The following ZCCHC24 variants were observed in gnomAD, a reference collection of about 807,000 sequenced individuals.
ZCCHC24 encodes zinc finger CCHC-type containing 24.
A neutral mutation model predicts 26.2 loss-of-function variants in ZCCHC24; 10 were observed. That is an observed-to-expected ratio of 0.38 (90% confidence interval 0.24 to 0.65). The LOEUF (loss-of-function observed/expected upper bound fraction) is 0.65, where lower values mean the gene tolerates loss of function less well. Ranked by LOEUF, ZCCHC24 falls within the 30% of genes least tolerant of loss-of-function variation. The probability of loss-of-function intolerance (pLI) is 0.54; values close to 1 mark genes in which losing one functional copy is unlikely to be tolerated. For synonymous variants in ZCCHC24, 144 were observed against 147.1 expected (o/e 0.98, Z 0.15); for missense variants, 243 against 329.1 (o/e 0.74, Z 2.03).
intron 2 of ZCCHC24, among the ~76,000 whole-genome samples, chr10:79,407,532 G>C (rs1051655919): frequency 1.3e-5 from 2 of 152,222 alleles, no homozygotes; most frequent in African/African-American, 4.8e-5. Flanking sequence ...GTCTGGGGAG[G>C]GCCTGAGAAC....
chr10:79,415,577 T>C (rs541122061), intron 2 of ZCCHC24, among the ~76,000 whole-genome samples: 2 of 152,318 alleles, frequency 1.3e-5, no homozygotes, highest in African/African-American at 4.8e-5. Context: ...ATGCCCTTTG[T>C]TCAGAAGAAA....
intron 2 of ZCCHC24, among the ~76,000 whole-genome samples, chr10:79,421,708 C>A (rs1856939935): frequency 6.6e-6 from 1 of 152,090 alleles, no homozygotes; most frequent in Non-Finnish European, 1.5e-5. Context: ...CTCACTGCAA[C>A]CTCCACATCC....
chr10:79,443,116 T>C (rs1324263977), intron 1 of ZCCHC24, among the ~76,000 whole-genome samples: 1 of 152,158 alleles, frequency 6.6e-6, no homozygotes, highest in Non-Finnish European at 1.5e-5. Context: ...AGAGACGGGG[T>C]TCCCTGAAGT....
intron 1 of ZCCHC24, among the ~76,000 whole-genome samples, chr10:79,438,871 G>A (rs1589681002): frequency 6.6e-6 from 1 of 152,192 alleles, no homozygotes; most frequent in Non-Finnish European, 1.5e-5. Flanking sequence ...AGGTGCTCAC[G>A]TTTCACAGCT....
In ZCCHC24 at chr10:79,445,586, G is replaced by A; in HGVS notation, c.-146C>T. 1 of 650,932 alleles carries A rather than the reference G, an allele frequency of 1.5e-6. No individual in the cohort carries two copies. The highest frequency in any genetic ancestry group is 1.9e-6 in the Non-Finnish European group (1 of 517,024). 40.3% of individuals were successfully genotyped at this position (650,932 alleles called of 1,614,324 possible). ...CCCCGCGCCCTGCGCCCCGCGCGCT[G>A]CCCGCAGCCGCTGCCGCTGCCGCCG... On this transcript the variant is annotated 5_prime_UTR_variant, in exon 1 of 4. Coordinates refer to ENST00000372336, the MANE Select transcript of ZCCHC24 (RefSeq NM_153367.4).
intron 1 of ZCCHC24, among the ~76,000 whole-genome samples, chr10:79,435,311 G>T (rs1249472447): frequency 6.6e-6 from 1 of 151,916 alleles, no homozygotes; most frequent in Non-Finnish European, 1.5e-5. Flanking sequence ...GGGAAGTTTG[G>T]TGGGTGCCAG....
chr10:79,428,412 A>AAAGAGCTCTG (rs1405986171), intron 2 of ZCCHC24, among the ~76,000 whole-genome samples: 1 of 36,200 alleles, frequency 2.8e-5, no homozygotes, highest in East Asian at 4.0e-4. Context: ...TGCAAGATAA[A>AAAGAGCTCTG]TTTCAGTTTT....
intron 3 of ZCCHC24, among the ~76,000 whole-genome samples, chr10:79,393,955 G>C (rs557571756): frequency 6.6e-6 from 1 of 152,222 alleles, no homozygotes; most frequent in African/African-American, 2.4e-5. Flanking sequence ...CAGCCACCCT[G>C]TTGACACTGG....
At chr10:79,393,930 C>G (rs1455811869) in intron 3 of ZCCHC24, among the ~76,000 whole-genome samples, 1 of 152,186 alleles carries the variant, frequency 6.6e-6, no homozygotes, top group Non-Finnish European at 1.5e-5. Flanking sequence ...CCCACATGCC[C>G]GGGCCTGGTG....
At chr10:79,418,656 A>T (rs924008722) in intron 2 of ZCCHC24, among the ~76,000 whole-genome samples, 2 of 152,222 alleles carry the variant, frequency 1.3e-5, no homozygotes, top group African/African-American at 4.8e-5. Flanking sequence ...GCAGAGGTCA[A>T]ACGGCCCAGG....
At chr10:79,412,149 T>C (rs1458002323) in intron 2 of ZCCHC24, among the ~76,000 whole-genome samples, 3 of 152,190 alleles carry the variant, frequency 2.0e-5, no homozygotes, top group African/African-American at 7.2e-5. Flanking sequence ...CAGCTGCACA[T>C]GCACACACGC....
At chr10:79,403,936 G>GA (rs752547125) in intron 2 of ZCCHC24, among the ~76,000 whole-genome samples, 2 of 152,052 alleles carry the variant, frequency 1.3e-5, no homozygotes, top group East Asian at 1.9e-4. Context: ...ACAAGCGGGG[G>GA]ACAGAGAGAT....
At chr10:79,407,226 C>A (rs760196533) in intron 2 of ZCCHC24, among the ~76,000 whole-genome samples, 2 of 152,212 alleles carry the variant, frequency 1.3e-5, no homozygotes, top group African/African-American at 4.8e-5. Context: ...CAGGTGCAGA[C>A]CTGCCCCCAG....
chr10:79,388,521 C>T (rs1856430856), intron 3 of ZCCHC24, among the ~76,000 whole-genome samples: 1 of 152,150 alleles, frequency 6.6e-6, no homozygotes, highest in African/African-American at 2.4e-5. Flanking sequence ...CCTGGAGATC[C>T]CAGCCACACA....
Position 79,432,753 on chromosome 10 carries a change from C to T in ZCCHC24, c.252G>A (p.Leu84=), listed in dbSNP as rs1163360533. The T allele has an allele frequency of 1.2e-6, 2 of 1,607,950 alleles. No individual in the cohort carries two copies. The highest frequency in any genetic ancestry group is 4.5e-5 in the East Asian group (2 of 44,496). The part of the protein sequence containing the change: ...SFFQLQRGEA[L]SNSVYKGASP... ...AGGCGCCCTTGTACACACTGTTGCT[C>T]AGCGCCTGTGGGAGACAGAGGCACA... The change falls in exon 2 of 4, where the codon CTG becomes CTA. Residue 84 remains leucine (L), a synonymous_variant. Coordinates refer to ENST00000372336, the MANE Select transcript of ZCCHC24 (RefSeq NM_153367.4).
chr10:79,416,756 C>CT (rs1294891647), intron 2 of ZCCHC24, among the ~76,000 whole-genome samples: 1 of 152,142 alleles, frequency 6.6e-6, no homozygotes, highest in Admixed American at 6.5e-5. Context: ...CTGTGTGACC[C>CT]TCGGCAAGTC....
Position 79,385,852 on chromosome 10 carries a change from T to A in ZCCHC24, c.*493A>T, listed in dbSNP as rs1006088828. ...GCCGCTGTTGGAACACATGTCCCCT[T>A]GCCACGATTGCTGACTCAGGAAAGA... is the stretch of plus-strand genomic sequence containing the variant. On this transcript the variant is annotated 3_prime_UTR_variant, in exon 4 of 4. Transcript: ENST00000372336. This position sits in a 1 kb window ranked among gnomAD's most constrained non-coding sequence, Gnocchi z 4.3. 3.3e-5 allele frequency: 9 copies of A among 271,376 alleles called. No individual in the cohort carries two copies. The highest frequency in any genetic ancestry group is 5.6e-5 in the Non-Finnish European group (8 of 144,048). 16.8% of individuals were successfully genotyped at this position (271,376 alleles called of 1,614,324 possible). A position where few individuals can be genotyped will look rare whatever the true frequency, so the allele number is the denominator to read the frequency against.
rs1329538718 is a variant in ZCCHC24, at chr10:79,385,931, G to A, written c.*414C>T. 2.4e-6 allele frequency: 1 copy of A among 414,138 alleles called. No individual in the cohort carries two copies. Among genetic ancestry groups the A allele is most frequent in the Non-Finnish European group, 4.3e-6 (1 of 232,918 alleles). 25.7% of individuals were successfully genotyped at this position (414,138 alleles called of 1,614,324 possible). A position where few individuals can be genotyped will look rare whatever the true frequency, so the allele number is the denominator to read the frequency against. ...GGGCAAACCGGAAGGTTCTGGGTGG[G>A]GGCAGGCGGCCTGGCTGGTCTGGGG... On this transcript the variant is annotated 3_prime_UTR_variant, in exon 4 of 4. Coordinates refer to ENST00000372336, the MANE Select transcript of ZCCHC24 (RefSeq NM_153367.4). The surrounding 1 kb of genome is among the most constrained non-coding windows in gnomAD (Gnocchi z 4.3).
chr10:79,413,655 G>A (rs988021343), intron 2 of ZCCHC24, among the ~76,000 whole-genome samples: 3 of 152,194 alleles, frequency 2.0e-5, no homozygotes, highest in South Asian at 2.1e-4. Flanking sequence ...AATGACAACC[G>A]GGAGTTCAGG....
Sources: gnomAD v4.1 joint callset for allele counts (sites outside exome capture counted in the v4.1 genomes callset) on GRCh38, gnomAD v4.1.1 for gene constraint, Gnocchi (gnomAD v3.1) non-coding constraint, MANE v1.5 for transcripts, NCBI Gene and HGNC (gene_info 2026-07-23, HGNC 2026-07-21) for gene names.